PCDH9: variants seen among roughly 807,000 people sequenced by gnomAD.
PCDH9 encodes protocadherin 9.
Under a neutral mutation model 70.6 loss-of-function variants are expected in PCDH9, and 24 were observed. That is an observed-to-expected ratio of 0.34 (90% CI 0.25 to 0.48). The LOEUF (loss-of-function observed/expected upper bound fraction) is 0.48, where lower values mean the gene tolerates loss of function less well. PCDH9 is among the 20% of genes least tolerant of loss of function. The pLI is 0.99. For missense variants in PCDH9, 1,281 were observed against 1,503.6 expected (o/e 0.85, Z 2.45); for synonymous variants, 562 against 558.5 (o/e 1.01, Z -0.09).
At chr13:66,326,717 C>T (rs2256117) in intron 4 of PCDH9, among the ~76,000 whole-genome samples, 2,393 of 152,220 alleles carry the variant, frequency 0.016, 58 homozygotes, top group African/African-American at 0.054. Context: ...CTCCTAGTCG[C>T]ATAATGCATT....
chr13:66,539,950 G>C (rs1467804523), intron 4 of PCDH9, among the ~76,000 whole-genome samples: 1 of 143,960 alleles, frequency 6.9e-6, no homozygotes, highest in African/African-American at 2.6e-5. Flanking sequence ...GCTCACTGCA[G>C]CCTTGACTTT....
rs538222772 is a variant in PCDH9 at position 66,754,386 on chromosome 13, TAAATA to T, written c.3139-122980_3139-122976del. The stretch of plus-strand genomic sequence containing the variant: ...GAATTTAAAGTATAACAAAATAAAA[TAAATA>T]AAATAACATAAAACAAAATAAAACC... On this transcript the variant is annotated intron_variant, in intron 3 of 4. Transcript: ENST00000377865. Among the ~76,000 whole-genome samples, 97 of 150,742 alleles carry T rather than the reference TAAATA, an allele frequency of 6.4e-4. No homozygotes were observed. In the Middle Eastern group the frequency reaches 0.01, roughly 16 times the overall value.
chr13:66,665,441 T>TC (rs1224175236), intron 3 of PCDH9, among the ~76,000 whole-genome samples: 5 of 152,068 alleles, frequency 3.3e-5, no homozygotes, highest in Non-Finnish European at 7.3e-5. Context: ...ATTTAAACAA[T>TC]CCTATGCGTT....
intron 2 of PCDH9, among the ~76,000 whole-genome samples, chr13:67,179,942 T>A (rs2088571635): frequency 6.6e-6 from 1 of 152,124 alleles, no homozygotes; most frequent in Admixed American, 6.6e-5. Flanking sequence ...GGCTAAGAAA[T>A]GTATGATCTG....
intron 3 of PCDH9, among the ~76,000 whole-genome samples, chr13:66,879,681 T>C (rs970251639): frequency 6.6e-6 from 1 of 152,158 alleles, no homozygotes; most frequent in South Asian, 2.1e-4. Flanking sequence ...CTAAAAGATA[T>C]CTTTGACAAA....
At chr13:66,359,210 T>C (rs1292595054) in intron 4 of PCDH9, among the ~76,000 whole-genome samples, 4 of 152,036 alleles carry the variant, frequency 2.6e-5, no homozygotes, top group East Asian at 1.9e-4. Flanking sequence ...AGTCATTACA[T>C]TCCTTATTGT....
chr13:67,059,505 A>G (rs1220619094), intron 2 of PCDH9, among the ~76,000 whole-genome samples: 2 of 150,924 alleles, frequency 1.3e-5, no homozygotes, highest in African/African-American at 4.9e-5. Flanking sequence ...GGTGATTGCA[A>G]ATGAAGTGGT....
chr13:66,826,840 G>A (rs1159601659), intron 3 of PCDH9, among the ~76,000 whole-genome samples: 2 of 152,092 alleles, frequency 1.3e-5, no homozygotes, highest in Non-Finnish European at 2.9e-5. Context: ...GAAACTTGGA[G>A]GCTGTAAAAC....
chr13:66,536,665 T>C (rs1475246733), intron 4 of PCDH9, among the ~76,000 whole-genome samples: 1 of 152,124 alleles, frequency 6.6e-6, no homozygotes, highest in Non-Finnish European at 1.5e-5. Context: ...AATTTTCAAA[T>C]GAATAGATAT....
At chr13:66,514,679 C>T (rs1353851593) in intron 4 of PCDH9, among the ~76,000 whole-genome samples, 1 of 151,982 alleles carries the variant, frequency 6.6e-6, no homozygotes, top group African/African-American at 2.4e-5. Flanking sequence ...AGCAAAGCTC[C>T]CATTGTCTTA....
At chr13:66,849,700 G>A (rs2081283642) in intron 3 of PCDH9, among the ~76,000 whole-genome samples, 1 of 152,118 alleles carries the variant, frequency 6.6e-6, no homozygotes, top group South Asian at 2.1e-4. Flanking sequence ...CAAAGGAGCA[G>A]AAATCAGAGG....
chr13:66,594,683 T>A (rs2077080531), intron 4 of PCDH9, among the ~76,000 whole-genome samples: 1 of 151,368 alleles, frequency 6.6e-6, no homozygotes, highest in Admixed American at 6.6e-5. Flanking sequence ...CAGGTCCCAG[T>A]GTGTGTTGTT....
chr13:66,734,682 ATG>A (rs2079121844), intron 3 of PCDH9, among the ~76,000 whole-genome samples: 1 of 152,194 alleles, frequency 6.6e-6, no homozygotes, highest in African/African-American at 2.4e-5. Context: ...CAAAATGTGT[ATG>A]TGGTTAAATA....
intron 2 of PCDH9, among the ~76,000 whole-genome samples, chr13:67,125,899 A>G (rs961719703): frequency 5.3e-5 from 8 of 151,760 alleles, no homozygotes; most frequent in African/African-American, 1.4e-4. Flanking sequence ...GTGTGTGTGT[A>G]TCAAATGCAG....
intron 2 of PCDH9, among the ~76,000 whole-genome samples, chr13:67,032,843 C>G (rs1302356486): frequency 6.6e-6 from 1 of 152,166 alleles, no homozygotes; most frequent in Non-Finnish European, 1.5e-5. Flanking sequence ...AGCACAGCAA[C>G]TGCTGTGTTT....
At chr13:66,545,539 C>G (rs1306922626) in intron 4 of PCDH9, among the ~76,000 whole-genome samples, 2 of 152,106 alleles carry the variant, frequency 1.3e-5, no homozygotes, top group African/African-American at 4.8e-5. Context: ...ACATTTCAGT[C>G]AATGACAGAC....
chr13:67,120,198 A>ATAATAATAATAATAAT (rs1297582785), intron 2 of PCDH9, among the ~76,000 whole-genome samples: 3 of 148,642 alleles, frequency 2.0e-5, no homozygotes, highest in Non-Finnish European at 3.0e-5. Context: ...AATAATAATA[A>ATAATAATAATAATAAT]TAATAATAAT....
In PCDH9 at chr13:66,586,794, G is replaced by A. The variant is rs1246588843; in HGVS notation, c.3340+44416C>T. Among the ~76,000 whole-genome samples the A allele has an allele frequency of 5.9e-5, 9 of 151,964 alleles. No homozygotes were observed. The East Asian group carries it at 1.7e-3, about 29-fold the overall frequency. On this transcript the variant is annotated intron_variant, in intron 4 of 4. Transcript: ENST00000377865. ...ATGCTCATGACTTAAAATTTTAGGT[G>A]GCAAACGTGGAAATAAATTCAAAGT...
chr13:66,397,540 T>C (rs572001941), intron 4 of PCDH9, among the ~76,000 whole-genome samples: 3 of 150,040 alleles, frequency 2.0e-5, no homozygotes, highest in African/African-American at 4.9e-5. Context: ...TATACACATA[T>C]ATGTCGATAT....
Sources: allele counts gnomAD v4.1 joint callset (sites outside exome capture counted in the v4.1 genomes callset), GRCh38; gene constraint gnomAD v4.1.1; transcripts MANE v1.5; gene names NCBI Gene and HGNC (gene_info 2026-07-23, HGNC 2026-07-21).